The following KCNIP4 variants were observed in gnomAD, a reference collection of about 807,000 sequenced individuals.
KCNIP4 encodes the protein potassium voltage-gated channel interacting protein 4, also known as Kv channel-interacting protein 4.
A neutral mutation model predicts 34.0 loss-of-function variants in KCNIP4; 12 were observed. The observed-to-expected ratio is 0.35, with a 90% CI of 0.23 to 0.57. The LOEUF (loss-of-function observed/expected upper bound fraction) is 0.57, where lower values mean the gene tolerates loss of function less well. Ranked by LOEUF, KCNIP4 falls within the 20% of genes least tolerant of loss-of-function variation. The probability of loss-of-function intolerance (pLI) is 0.83; values close to 1 mark genes in which losing one functional copy is unlikely to be tolerated. For synonymous variants in KCNIP4, 124 were observed against 102.2 expected (o/e 1.21, Z -1.29); for missense variants, 238 against 311.7 (o/e 0.76, Z 1.78).
At chr4:21,844,605 G>A (rs1723892336) in intron 1 of KCNIP4, 1 of 151,954 alleles carries the variant, frequency 6.6e-6, no homozygotes, top group Admixed American at 6.6e-5. Context: ...TTTGAATCCT[G>A]CTTCCTTTTC....
chr4:20,732,220 T>TA, intron 7 of KCNIP4, 152 bp from the exon 8 acceptor site: 6 of 620,478 alleles, frequency 9.7e-6, no homozygotes, highest in East Asian at 5.5e-5. Flanking sequence ...AGCAGTTTTT[T>TA]AGAGATAAAA....
intron 1 of KCNIP4, among the ~76,000 whole-genome samples, chr4:21,577,506 C>T (rs1740834589): frequency 6.6e-6 from 1 of 152,088 alleles, no homozygotes. Context: ...TGGCAGGCAC[C>T]TGTAATCCCA....
chr4:21,231,241 T>A (rs1226202054), intron 1 of KCNIP4, among the ~76,000 whole-genome samples: 1 of 152,180 alleles, frequency 6.6e-6, no homozygotes, highest in Non-Finnish European at 1.5e-5. Context: ...GGCTATGAAT[T>A]TATTCTTATT....
chr4:21,023,530 C>T (rs1431616348), intron 1 of KCNIP4, among the ~76,000 whole-genome samples: 1 of 152,076 alleles, frequency 6.6e-6, no homozygotes, highest in Non-Finnish European at 1.5e-5. Context: ...ATATAAATTT[C>T]TTCCAAAAGT....
intron 1 of KCNIP4, among the ~76,000 whole-genome samples, chr4:21,442,613 T>C (rs1338547039): frequency 6.6e-6 from 1 of 152,220 alleles, no homozygotes; most frequent in Admixed American, 6.5e-5. Context: ...CTTTAGCTTC[T>C]AGCACACAAT....
intron 1 of KCNIP4, among the ~76,000 whole-genome samples, chr4:21,493,141 A>G (rs185151946): frequency 4.6e-5 from 7 of 152,194 alleles, no homozygotes; most frequent in Admixed American, 3.3e-4. Context: ...TGGAGTCCCC[A>G]TGGGGCCATC....
At chr4:21,519,849 A>G (rs1735368463) in intron 1 of KCNIP4, among the ~76,000 whole-genome samples, 1 of 141,310 alleles carries the variant, frequency 7.1e-6, no homozygotes, top group South Asian at 2.2e-4. Flanking sequence ...GTGTGTATAT[A>G]TTTATATATT....
chr4:21,654,631 T>C (rs1747772501), intron 1 of KCNIP4, among the ~76,000 whole-genome samples: 1 of 152,058 alleles, frequency 6.6e-6, no homozygotes, highest in African/African-American at 2.4e-5. Flanking sequence ...AAATGTTTCA[T>C]TAGAAAACTG....
intron 1 of KCNIP4, among the ~76,000 whole-genome samples, chr4:21,501,223 TTCTCTCTCTCTC>T (rs764384677): frequency 7.0e-6 from 1 of 142,432 alleles, no homozygotes; most frequent in Non-Finnish European, 1.5e-5. Context: ...TCAACTGCCT[TTCTCTCTCTCTC>T]TCTCTCTCTC....
chr4:20,891,489 C>T (rs1725913135), intron 1 of KCNIP4, among the ~76,000 whole-genome samples: 1 of 152,136 alleles, frequency 6.6e-6, no homozygotes, highest in Non-Finnish European at 1.5e-5. Flanking sequence ...CCTGTAGTCC[C>T]AGCTACTCAG....
intron 1 of KCNIP4, among the ~76,000 whole-genome samples, chr4:21,335,532 A>C (rs1427317985): frequency 6.6e-6 from 1 of 152,206 alleles, no homozygotes; most frequent in African/African-American, 2.4e-5. Context: ...AAATTCTTGC[A>C]TATCACTGTA....
intron 1 of KCNIP4, among the ~76,000 whole-genome samples, chr4:21,439,770 T>C (rs1727291957): frequency 6.6e-6 from 1 of 152,110 alleles, no homozygotes; most frequent in South Asian, 2.1e-4. Context: ...CTGGCTCTAA[T>C]GTGGTTGATC....
intron 1 of KCNIP4, among the ~76,000 whole-genome samples, chr4:21,355,154 G>A (rs997170299): frequency 1.3e-5 from 2 of 152,170 alleles, no homozygotes; most frequent in African/African-American, 4.8e-5. Flanking sequence ...TTAAAGCAGT[G>A]TGTAGAGGGA....
intron 5 of KCNIP4, among the ~76,000 whole-genome samples, chr4:20,738,328 G>A (rs1443196675): frequency 6.6e-6 from 1 of 152,152 alleles, no homozygotes; most frequent in African/African-American, 2.4e-5. Flanking sequence ...TGGCCACAGG[G>A]TCTTTGAAAA....
At chr4:21,901,960 T>C (rs115380828) in intron 1 of KCNIP4, among the ~76,000 whole-genome samples, 1,702 of 152,258 alleles carry the variant, frequency 0.011, 28 homozygotes, top group African/African-American at 0.038. Context: ...CAACCAACAA[T>C]AGATACTTTA....
intron 1 of KCNIP4, among the ~76,000 whole-genome samples, chr4:21,484,207 G>A (rs181901827): frequency 4.6e-5 from 7 of 152,088 alleles, no homozygotes; most frequent in South Asian, 2.1e-4. Flanking sequence ...TGGGCAGATC[G>A]CCTGAGGTCA....
At chr4:20,943,551 T>C (rs1366595148) in intron 1 of KCNIP4, among the ~76,000 whole-genome samples, 1 of 152,212 alleles carries the variant, frequency 6.6e-6, no homozygotes, top group Non-Finnish European at 1.5e-5. Flanking sequence ...CTGTGCACTT[T>C]AAATTTAATC....
intron 1 of KCNIP4, among the ~76,000 whole-genome samples, chr4:21,628,054 C>T (rs1361332683): frequency 6.6e-6 from 1 of 152,048 alleles, no homozygotes; most frequent in Non-Finnish European, 1.5e-5. Flanking sequence ...CATAATAATG[C>T]TATATATTGG....
chr4:21,328,976 T>A (rs534886301), intron 1 of KCNIP4, among the ~76,000 whole-genome samples: 1 of 152,366 alleles, frequency 6.6e-6, no homozygotes, highest in South Asian at 2.1e-4. Context: ...GGCAGTGGGC[T>A]CTAGCCCAGT....
Sources: gnomAD v4.1 joint callset for allele counts (sites outside exome capture counted in the v4.1 genomes callset) on GRCh38, gnomAD v4.1.1 for gene constraint, MANE v1.5 for transcripts, NCBI Gene and HGNC (gene_info 2026-07-23, HGNC 2026-07-21) for gene names.